UBAC2: variants seen among roughly 807,000 people sequenced by gnomAD.
UBAC2 encodes UBA domain containing 2.
In UBAC2, 26 loss-of-function variants were observed where a neutral mutation model predicts 44.0. The observed-to-expected ratio is 0.59, with a 90% confidence interval of 0.43 to 0.82. The LOEUF is 0.82. Among genes scored for constraint, UBAC2 ranks in the 40% least tolerant of loss-of-function variants. The pLI, the probability that UBAC2 is intolerant of heterozygous loss-of-function variation, is 0.00. For missense variants in UBAC2, 329 were observed against 419.4 expected (o/e 0.78, Z 1.88); for synonymous variants, 155 against 154.3 (o/e 1.00, Z -0.04).
chr13:99,294,759 ATAAT>A (rs1417998272), intron 4 of UBAC2: 4 of 219,318 alleles, frequency 1.8e-5, no homozygotes, highest in African/African-American at 9.3e-5. Context: ...GCAAGAAATA[ATAAT>A]TAAATTTTTT....
chr13:99,283,061 A>G (rs910921247), intron 4 of UBAC2, among the ~76,000 whole-genome samples: 1 of 152,242 alleles, frequency 6.6e-6, no homozygotes, highest in Non-Finnish European at 1.5e-5. Flanking sequence ...AAGGGAATTT[A>G]TTAAAGTAGC....
rs1249603745 is a variant in UBAC2, at chr13:99,296,114, G to A, written c.390-17983G>A. 7.5e-6 allele frequency: 12 copies of A among 1,604,546 alleles called. No individual in the cohort carries two copies. The South Asian group carries it at 8.9e-5, about 12-fold the overall frequency. ...ATTTCCCTGAGGAGTTGCAGAGGGC[G>A]GAGTAAAATTGTTTGCCATTTGTAT... On this transcript the variant is annotated intron_variant, in intron 4 of 8. Coordinates refer to ENST00000403766, the MANE Select transcript of UBAC2 (RefSeq NM_001144072.2).
chr13:99,228,226 A>G (rs1384635037), intron 1 of UBAC2, among the ~76,000 whole-genome samples: 3 of 152,034 alleles, frequency 2.0e-5, no homozygotes, highest in African/African-American at 7.2e-5. Context: ...GCTTGCCTTT[A>G]ATGGGGGAAG....
chr13:99,385,196 C>T, intron 8 of UBAC2, 32 bp from the exon 9 acceptor site: 1 of 1,511,588 alleles, frequency 6.6e-7, no homozygotes, highest in Non-Finnish European at 9.2e-7. Flanking sequence ...AATGTCAGCG[C>T]CCTCAGGTTT....
At chr13:99,374,028 C>T (rs1274295233) in intron 8 of UBAC2, among the ~76,000 whole-genome samples, 5 of 152,134 alleles carry the variant, frequency 3.3e-5, no homozygotes, top group South Asian at 2.1e-4. Context: ...GCATGTCAAA[C>T]GACAGAATTA....
rs765202949 is a variant in UBAC2 at position 99,238,447 on chromosome 13, A to G, written c.52A>G (p.Ser18Gly). 1 of 1,613,722 alleles carries G rather than the reference A, an allele frequency of 6.2e-7. No individual in the cohort carries two copies. The highest frequency in any genetic ancestry group is 8.5e-7 in the Non-Finnish European group (1 of 1,179,774). ...SGLYKAPLSK[S>G]LLLVPSALSL... is the part of the protein sequence containing the mutation. The stretch of plus-strand genomic sequence containing the variant: ...TCCAGACAAGGCGCCTCTGTCGAAG[A>G]GCCTTCTGCTGGTCCCCAGTGCCCT... Residue 18 changes from serine to glycine, a missense_variant, in exon 2 of 9, where the codon AGC becomes GGC. Physicochemically the swap from Ser to Gly is moderately conservative, Grantham distance 56. Coordinates refer to ENST00000403766, the MANE Select transcript of UBAC2 (RefSeq NM_001144072.2).
intron 1 of UBAC2, among the ~76,000 whole-genome samples, chr13:99,222,620 G>T (rs1387843654): frequency 2.6e-5 from 4 of 152,206 alleles, no homozygotes; most frequent in Non-Finnish European, 4.4e-5. Context: ...TAATTGGGCA[G>T]GATGAGAATG....
intron 4 of UBAC2, among the ~76,000 whole-genome samples, chr13:99,304,205 C>T (rs1040253287): frequency 6.6e-6 from 1 of 152,192 alleles, no homozygotes; most frequent in Non-Finnish European, 1.5e-5. Context: ...TACTTAGAAC[C>T]TTTGGATATC....
chr13:99,303,162 A>G (rs921703328), intron 4 of UBAC2, among the ~76,000 whole-genome samples: 18 of 152,240 alleles, frequency 1.2e-4, no homozygotes, highest in African/African-American at 3.9e-4. Context: ...GCGAAAGGCC[A>G]TTTATAGGAC....
intron 4 of UBAC2, among the ~76,000 whole-genome samples, chr13:99,285,760 A>G (rs571436304): frequency 1.6e-3 from 239 of 152,278 alleles, no homozygotes; most frequent in African/African-American, 5.3e-3. Context: ...GGAAAGCTGA[A>G]TGCTCTATTT....
At chr13:99,202,377 G>A (rs1355619371) in intron 1 of UBAC2, among the ~76,000 whole-genome samples, 1 of 152,348 alleles carries the variant, frequency 6.6e-6, no homozygotes, top group East Asian at 1.9e-4. Context: ...GAAGCTGACA[G>A]TTCAAGAAGG....
chr13:99,375,498 C>G (rs2138916202), intron 8 of UBAC2, among the ~76,000 whole-genome samples: 1 of 152,244 alleles, frequency 6.6e-6, no homozygotes, highest in Admixed American at 6.5e-5. Flanking sequence ...TACCCTGCAC[C>G]CAGTGTGAGC....
intron 7 of UBAC2, among the ~76,000 whole-genome samples, chr13:99,362,845 TATTTA>T (rs2045283617): frequency 6.6e-6 from 1 of 152,232 alleles, no homozygotes; most frequent in Non-Finnish European, 1.5e-5. Flanking sequence ...TAGTTTGTCT[TATTTA>T]ATTCAGTAAC....
intron 1 of UBAC2, among the ~76,000 whole-genome samples, chr13:99,236,975 T>TA (rs35801009): frequency 0.025 from 3,773 of 149,014 alleles, 60 homozygotes; most frequent in Non-Finnish European, 0.037. Flanking sequence ...TGGAGGTTCT[T>TA]AAAAAAAAAA....
In UBAC2 at chr13:99,285,250, AGCT is replaced by A. The variant is rs377214854; in HGVS notation, c.390-28828_390-28826del. Among the ~76,000 whole-genome samples, 15 of 151,956 alleles carry A rather than the reference AGCT, an allele frequency of 9.9e-5. No individual in the cohort carries two copies. In the Middle Eastern group the frequency reaches 0.014, roughly 138 times the overall value. On this transcript the variant is annotated intron_variant, in intron 4 of 8. Transcript: ENST00000403766. The stretch of plus-strand genomic sequence containing the variant: ...CATTCGATTGTGGTGTGTCTTAAGT[AGCT>A]GCTGCTGCTGCTGCTGCTCCTCCTG...
intron 4 of UBAC2, among the ~76,000 whole-genome samples, chr13:99,294,355 A>G (rs967636235): frequency 6.6e-6 from 1 of 152,186 alleles, no homozygotes; most frequent in African/African-American, 2.4e-5. Flanking sequence ...AGTCTTTTTC[A>G]TATTGCTAAG....
At chr13:99,320,065 C>G (rs1293718483) in intron 6 of UBAC2, among the ~76,000 whole-genome samples, 2 of 151,984 alleles carry the variant, frequency 1.3e-5, no homozygotes, top group Admixed American at 6.5e-5. Context: ...CATATTTGTC[C>G]CCTTCCTTAG....
chr13:99,318,734 T>G (rs1427093827), intron 6 of UBAC2, among the ~76,000 whole-genome samples: 2 of 142,838 alleles, frequency 1.4e-5, no homozygotes, highest in African/African-American at 5.3e-5. Context: ...GGCAGGAGAA[T>G]GGCGTGGAAC....
intron 4 of UBAC2, among the ~76,000 whole-genome samples, chr13:99,309,837 C>G (rs1314340375): frequency 6.6e-6 from 1 of 152,080 alleles, no homozygotes; most frequent in Non-Finnish European, 1.5e-5. Flanking sequence ...GTCTCAAACT[C>G]CTGACCTCAA....
Sources: gnomAD v4.1 joint callset for allele counts (sites outside exome capture counted in the v4.1 genomes callset) on GRCh38, gnomAD v4.1.1 for gene constraint, MANE v1.5 for transcripts, NCBI Gene and HGNC (gene_info 2026-07-23, HGNC 2026-07-21) for gene names.